The following LSAMP variants were observed in gnomAD, a reference collection of about 807,000 sequenced individuals.
LSAMP encodes limbic system-associated membrane protein.
A neutral mutation model predicts 38.6 loss-of-function variants in LSAMP; 7 were observed. That is an observed-to-expected ratio of 0.18 (90% CI 0.10 to 0.34). LSAMP has a LOEUF of 0.34. LSAMP is among the 10% of genes least tolerant of loss of function. The pLI, the probability that LSAMP is intolerant of heterozygous loss-of-function variation, is 1.00. For missense variants in LSAMP, 313 were observed against 420.0 expected, an observed-to-expected ratio of 0.75 and a Z score of 2.23; for synonymous variants, 154 against 166.8, an observed-to-expected ratio of 0.92 and a Z score of 0.59.
At chr3:115,997,838 A>AAT (rs528259987) in intron 3 of LSAMP, among the ~76,000 whole-genome samples, 1 of 145,518 alleles carries the variant, frequency 6.9e-6, no homozygotes, top group Non-Finnish European at 1.5e-5. Flanking sequence ...TATATATTAG[A>AAT]ATATATATTA....
chr3:116,444,894 C>T lies in LSAMP; in HGVS notation c.138G>A (p.Gly46=). Residue 46 remains glycine (G), a synonymous_variant, in exon 1 of 7, where the codon GGG becomes GGA. Coordinates refer to ENST00000490035, the MANE Select transcript of LSAMP (RefSeq NM_002338.5). ...RGTDNITVRQ[G]DTAILRCVVE... ...AGCCCTACCTGAGGATGGCTGTGTC[C>T]CCCTGCCTCACGGTGATGTTGTCCG... 1.2e-6 allele frequency: 2 copies of T among 1,614,064 alleles called. No individual in the cohort carries two copies. Among genetic ancestry groups the T allele is most frequent in the South Asian group, 1.1e-5 (1 of 91,072 alleles).
At chr3:116,111,607 CTT>C (rs59107975) in intron 1 of LSAMP, among the ~76,000 whole-genome samples, 7,363 of 151,622 alleles carry the variant, frequency 0.049, 590 homozygotes, top group African/African-American at 0.17. Context: ...TCTTTTTTTC[CTT>C]TTCCTTTCTT....
chr3:115,981,322 T>C (rs894627770), intron 3 of LSAMP, among the ~76,000 whole-genome samples: 1 of 152,172 alleles, frequency 6.6e-6, no homozygotes, highest in Admixed American at 6.5e-5. Context: ...TAGATATTCA[T>C]GTAAAGCTAG....
At chr3:116,125,645 G>C (rs1331294010) in intron 1 of LSAMP, among the ~76,000 whole-genome samples, 1 of 152,068 alleles carries the variant, frequency 6.6e-6, no homozygotes, top group Non-Finnish European at 1.5e-5. Flanking sequence ...GATAAACAAT[G>C]ATATGGAAGA....
At chr3:116,108,568 G>A (rs913422318) in intron 1 of LSAMP, among the ~76,000 whole-genome samples, 1 of 152,200 alleles carries the variant, frequency 6.6e-6, no homozygotes, top group African/African-American at 2.4e-5. Flanking sequence ...GAGGCAATTA[G>A]GCAGCATCAG....
intron 1 of LSAMP, among the ~76,000 whole-genome samples, chr3:116,167,253 C>A (rs1284560311): frequency 6.6e-6 from 1 of 152,116 alleles, no homozygotes; most frequent in Admixed American, 6.5e-5. Flanking sequence ...CCCCTCCAAC[C>A]TTCCCAGCTA....
At chr3:115,861,155 TTCCTTCCTTCCTTCC>T (rs1457848863) in intron 3 of LSAMP, among the ~76,000 whole-genome samples, 2 of 66,138 alleles carry the variant, frequency 3.0e-5, no homozygotes, top group African/African-American at 1.5e-4. Context: ...CCTTCCTTCC[TTCCTTCCTTCCTTCC>T]TTCCTTCCTT....
At chr3:116,121,820 T>C (rs1165106312) in intron 1 of LSAMP, among the ~76,000 whole-genome samples, 1 of 152,004 alleles carries the variant, frequency 6.6e-6, no homozygotes, top group East Asian at 1.9e-4. Flanking sequence ...CAGCCCCAGA[T>C]GGCTTTGAAT....
intron 3 of LSAMP, among the ~76,000 whole-genome samples, chr3:115,880,122 A>T (rs1395885955): frequency 6.6e-6 from 1 of 152,172 alleles, no homozygotes; most frequent in East Asian, 1.9e-4. Flanking sequence ...GGGATAGCAG[A>T]GTGGATATCA....
chr3:116,086,607 G>T lies in LSAMP; in HGVS notation c.156-51C>A, dbSNP rs774986563. ...GTGCCTTAACAACAACTATTTCTGC[G>T]TTTCTTCTCTAGGTGATCAGACTCA... On this transcript the variant is annotated intron_variant, in intron 1 of 6. Coordinates refer to ENST00000490035, the MANE Select transcript of LSAMP (RefSeq NM_002338.5). 11 of 1,424,114 alleles carry T rather than the reference G, an allele frequency of 7.7e-6. No homozygotes were observed. The African/African-American group carries it at 8.4e-5, about 11-fold the overall frequency. The allele number at this position is 1,424,114 out of a possible 1,614,324, so 88.2% of individuals were successfully genotyped here.
At chr3:116,041,811 C>CAAAAAAAAAA (rs763365903) in intron 2 of LSAMP, among the ~76,000 whole-genome samples, 1 of 89,380 alleles carries the variant, frequency 1.1e-5, no homozygotes, top group African/African-American at 4.5e-5. Context: ...AAAAACAAAA[C>CAAAAAAAAAA]AAAACAAAAA....
chr3:115,830,660 T>C (rs1934578452), intron 6 of LSAMP, among the ~76,000 whole-genome samples: 1 of 152,216 alleles, frequency 6.6e-6, no homozygotes, highest in African/African-American at 2.4e-5. Flanking sequence ...AGCAAAATAC[T>C]GTTGTATTAA....
At chr3:116,166,522 CA>C (rs1710053415) in intron 1 of LSAMP, among the ~76,000 whole-genome samples, 1 of 152,160 alleles carries the variant, frequency 6.6e-6, no homozygotes, top group South Asian at 2.1e-4. Context: ...TGCAGGCATT[CA>C]GCACTGAAAC....
At chr3:116,120,215 G>T (rs1343393309) in intron 1 of LSAMP, among the ~76,000 whole-genome samples, 2 of 152,200 alleles carry the variant, frequency 1.3e-5, no homozygotes, top group African/African-American at 4.8e-5. Flanking sequence ...AAGGTATCTT[G>T]ATGGACCAAA....
intron 1 of LSAMP, among the ~76,000 whole-genome samples, chr3:116,167,221 T>C (rs1710080170): frequency 6.6e-6 from 1 of 152,142 alleles, no homozygotes; most frequent in African/African-American, 2.4e-5. Context: ...GTACCCAATA[T>C]GTAGTCTTTT....
Position 115,898,211 on chromosome 3 carries a change from T to A in LSAMP, c.515-45594A>T, listed in dbSNP as rs73142321. Among the ~76,000 whole-genome samples, 1,397 of 152,300 alleles carry A rather than the reference T, an allele frequency of 9.2e-3. 9 individuals carry two copies. The highest frequency in any genetic ancestry group is 0.014 in the Non-Finnish European group (939 of 68,020). On this transcript the variant is annotated intron_variant, in intron 3 of 6. Coordinates refer to ENST00000490035, the MANE Select transcript of LSAMP (RefSeq NM_002338.5). ...GCAAAAAATAGTTTCTACATCAAGA[T>A]AAATTTAGGAAACACTGGATTTAAA...
chr3:115,822,975 T>C (rs760634442), intron 6 of LSAMP, among the ~76,000 whole-genome samples: 89 of 152,198 alleles, frequency 5.8e-4, no homozygotes, highest in Non-Finnish European at 1.2e-3. Context: ...TAATTCCTTG[T>C]TGAATGAATG....
chr3:116,445,439 G>T lies in LSAMP; in HGVS notation c.-408C>A. The T allele has an allele frequency of 2.2e-6, 1 of 449,538 alleles. No individual in the cohort carries two copies. The highest frequency in any genetic ancestry group is 3.9e-6 in the Non-Finnish European group (1 of 257,628). The allele number at this position is 449,538 out of a possible 1,614,324, so 27.8% of individuals were successfully genotyped here. ...CCAGGCTGGCGGGCGGGCGGGCGAG[G>T]GAGCCGGCACCAAGCCTGCCAGTGA... On this transcript the variant is annotated 5_prime_UTR_variant, in exon 1 of 7. Transcript: ENST00000490035.
At chr3:116,332,660 G>A (rs1410405589) in intron 1 of LSAMP, among the ~76,000 whole-genome samples, 1 of 152,092 alleles carries the variant, frequency 6.6e-6, no homozygotes, top group Non-Finnish European at 1.5e-5. Context: ...TACTTTAAAT[G>A]TAAATTGATT....
Sources: allele counts gnomAD v4.1 joint callset (sites outside exome capture counted in the v4.1 genomes callset), GRCh38; gene constraint gnomAD v4.1.1; transcripts MANE v1.5; gene names NCBI Gene and HGNC (gene_info 2026-07-23, HGNC 2026-07-21).